The following MEIKIN variants were observed in gnomAD, a reference collection of about 807,000 sequenced individuals.
MEIKIN encodes meiosis-specific kinetochore protein.
intron 8 of MEIKIN, among the ~76,000 whole-genome samples, chr5:131,907,344 T>A (rs1751258058): frequency 6.6e-6 from 1 of 150,860 alleles, no homozygotes; most frequent in East Asian, 1.9e-4. Flanking sequence ...AACAAATGAA[T>A]TCGAAAACAA....
At chr5:131,837,110 C>A (rs2404777) in intron 11 of MEIKIN, among the ~76,000 whole-genome samples, 96,554 of 151,902 alleles carry the variant, frequency 0.64, 32,727 homozygotes, top group Non-Finnish European at 0.77. Flanking sequence ...ATCCAAGTAC[C>A]ATTTATTGAA....
chr5:131,931,495 T>A (rs1048625546), intron 5 of MEIKIN, among the ~76,000 whole-genome samples: 15 of 152,202 alleles, frequency 9.9e-5, no homozygotes, highest in African/African-American at 3.6e-4. Context: ...ATCAGTTCCC[T>A]CAGGCATCCC....
chr5:131,812,679 A>C (rs1275038987), intron 12 of MEIKIN, among the ~76,000 whole-genome samples: 1 of 151,988 alleles, frequency 6.6e-6, no homozygotes, highest in African/African-American at 2.4e-5. Flanking sequence ...GCCCAGAACA[A>C]GAGAATCATC....
At chr5:131,898,278 T>A (rs1218145943) in intron 8 of MEIKIN, among the ~76,000 whole-genome samples, 1 of 152,226 alleles carries the variant, frequency 6.6e-6, no homozygotes, top group Non-Finnish European at 1.5e-5. Context: ...TATTGCTGCC[T>A]GATCCTTCCT....
At chr5:131,910,316 G>A (rs1237969409) in intron 8 of MEIKIN, among the ~76,000 whole-genome samples, 7 of 152,082 alleles carry the variant, frequency 4.6e-5, no homozygotes, top group Admixed American at 1.3e-4. Flanking sequence ...AATAAACCAG[G>A]CACAGAAGGA....
intron 8 of MEIKIN, among the ~76,000 whole-genome samples, chr5:131,891,792 T>C (rs1477240466): frequency 6.6e-6 from 1 of 152,250 alleles, no homozygotes; most frequent in East Asian, 1.9e-4. Context: ...CATTAGTTGA[T>C]GCAGCATCTT....
chr5:131,906,424 A>G (rs1751243427), intron 8 of MEIKIN, among the ~76,000 whole-genome samples: 1 of 152,234 alleles, frequency 6.6e-6, no homozygotes, highest in African/African-American at 2.4e-5. Flanking sequence ...GTGGGAGTGT[A>G]AATTATTTCA....
chr5:131,916,465 T>C (rs1351983135), intron 7 of MEIKIN, among the ~76,000 whole-genome samples: 1 of 152,244 alleles, frequency 6.6e-6, no homozygotes, highest in East Asian at 1.9e-4. Context: ...AATTTGTTGT[T>C]GGACATCTCC....
intron 8 of MEIKIN, among the ~76,000 whole-genome samples, chr5:131,896,625 C>G (rs1751056492): frequency 1.3e-5 from 2 of 152,094 alleles, no homozygotes; most frequent in African/African-American, 4.8e-5. Flanking sequence ...GATCCCTTTA[C>G]CATTATGTAA....
intron 12 of MEIKIN, among the ~76,000 whole-genome samples, chr5:131,816,482 A>C (rs2149601779): frequency 6.6e-6 from 1 of 152,344 alleles, no homozygotes; most frequent in South Asian, 2.1e-4. Context: ...TGTAGACTGC[A>C]TCATTGGCTC....
intron 8 of MEIKIN, among the ~76,000 whole-genome samples, chr5:131,906,008 G>C (rs1273293596): frequency 6.6e-6 from 1 of 152,092 alleles, no homozygotes; most frequent in African/African-American, 2.4e-5. Flanking sequence ...AAATTGCTAT[G>C]AGAGCAAAAA....
At chr5:131,879,938 G>C (rs936626317) in intron 8 of MEIKIN, among the ~76,000 whole-genome samples, 2 of 151,640 alleles carry the variant, frequency 1.3e-5, no homozygotes, top group Non-Finnish European at 2.9e-5. Context: ...TTCTTTTTTT[G>C]AGATGGAGTC....
rs1750661012 is a variant in MEIKIN, at chr5:131,879,063, A to G, written c.704-15T>C. ...AGCTGCATTATCTATAAATAAAAAC[A>G]TAGTTCAGTATTCTACTTATTTCAA... On this transcript the variant is annotated splice_polypyrimidine_tract_variant and intron_variant, in intron 8 of 12. Transcript: ENST00000442687. The G allele has an allele frequency of 5.0e-6, 2 of 398,492 alleles. No individual in the cohort carries two copies. 24.7% of individuals were successfully genotyped at this position (398,492 alleles called of 1,614,324 possible).
chr5:131,898,316 C>A (rs550131746), intron 8 of MEIKIN, among the ~76,000 whole-genome samples: 2 of 152,108 alleles, frequency 1.3e-5, no homozygotes, highest in Admixed American at 1.3e-4. Context: ...GAGGGGCAGC[C>A]GCCTATATGA....
chr5:131,828,097 G>A (rs1295417849), intron 11 of MEIKIN, among the ~76,000 whole-genome samples: 11 of 151,836 alleles, frequency 7.2e-5, no homozygotes, highest in African/African-American at 2.7e-4. Context: ...GAAGTACCCA[G>A]AGAACAAAAA....
intron 11 of MEIKIN, among the ~76,000 whole-genome samples, chr5:131,820,021 C>T (rs1269648044): frequency 1.4e-5 from 2 of 147,258 alleles, no homozygotes; most frequent in Admixed American, 6.8e-5. Context: ...GTGATCCGCC[C>T]GCCTCGGCCT....
At chr5:131,807,899 A>C (rs753271602) in intron 12 of MEIKIN, among the ~76,000 whole-genome samples, 5 of 152,202 alleles carry the variant, frequency 3.3e-5, no homozygotes, top group African/African-American at 4.8e-5. Context: ...TAAAATCCTG[A>C]TATCTAGGCC....
rs1237182014 is a variant in MEIKIN at position 131,875,874 on chromosome 5, G to A, written c.774+3104C>T. Among the ~76,000 whole-genome samples, 6 of 152,118 alleles carry A rather than the reference G, an allele frequency of 3.9e-5. No individual in the cohort carries two copies. The East Asian group carries it at 1.2e-3, about 29-fold the overall frequency. On this transcript the variant is annotated intron_variant, in intron 9 of 12. Transcript: ENST00000442687. The stretch of plus-strand genomic sequence containing the variant: ...CAACTACCTGATGTTTGACAAACCT[G>A]ACAAAAACAAGCAATGGGGAAAGGA...
intron 11 of MEIKIN, among the ~76,000 whole-genome samples, chr5:131,842,161 T>G (rs1375186847): frequency 6.6e-6 from 1 of 152,126 alleles, no homozygotes; most frequent in East Asian, 1.9e-4. Flanking sequence ...GAGATGGGGT[T>G]TTACCATGTT....
Sources: allele counts gnomAD v4.1 joint callset (sites outside exome capture counted in the v4.1 genomes callset), GRCh38; gene constraint gnomAD v4.1.1; transcripts MANE v1.5; gene names NCBI Gene and HGNC (gene_info 2026-07-23, HGNC 2026-07-21).